RIMS2: variants seen among roughly 807,000 people sequenced by gnomAD.
RIMS2 encodes regulating synaptic membrane exocytosis protein 2.
In RIMS2, 59 loss-of-function variants were observed where a neutral mutation model predicts 174.4. The ratio of observed to expected loss-of-function variants is 0.34; its 90% CI spans 0.27 to 0.42. The LOEUF (loss-of-function observed/expected upper bound fraction) is 0.42. Ranked by LOEUF, RIMS2 falls within the 10% of genes least tolerant of loss-of-function variation. RIMS2 has a pLI of 1.00. For synonymous variants in RIMS2, 606 were observed against 572.5 expected, an observed-to-expected ratio of 1.06 and a Z score of -0.84; for missense variants, 1,620 against 1,666.3, an observed-to-expected ratio of 0.97 and a Z score of 0.48.
At chr8:103,866,576 AT>A (rs1377403341) in intron 3 of RIMS2, among the ~76,000 whole-genome samples, 1 of 152,060 alleles carries the variant, frequency 6.6e-6, no homozygotes, top group Non-Finnish European at 1.5e-5. Flanking sequence ...AGAGACTCCA[AT>A]TTTGCTACAT....
intron 1 of RIMS2, among the ~76,000 whole-genome samples, chr8:103,635,849 A>G (rs535659124): frequency 3.1e-4 from 47 of 151,736 alleles, no homozygotes; most frequent in African/African-American, 1.1e-3. Flanking sequence ...ATGGCAGCCT[A>G]CCCCTTCCTC....
chr8:103,767,221 C>T (rs2098184449), intron 3 of RIMS2, among the ~76,000 whole-genome samples: 1 of 148,358 alleles, frequency 6.7e-6, no homozygotes, highest in South Asian at 2.1e-4. Flanking sequence ...TGGAGTCTCG[C>T]TCTGTCATCA....
intron 19 of RIMS2, among the ~76,000 whole-genome samples, chr8:104,061,337 GTC>G (rs1462719433): frequency 6.6e-6 from 1 of 151,946 alleles, no homozygotes; most frequent in African/African-American, 2.4e-5. Flanking sequence ...GGCTTTCTTT[GTC>G]TCTTTTGATC....
At chr8:104,007,191 A>G (rs1313058098) in intron 17 of RIMS2, among the ~76,000 whole-genome samples, 9 of 152,096 alleles carry the variant, frequency 5.9e-5, no homozygotes. Context: ...TGTTCTCTAT[A>G]TTTTATATTA....
intron 1 of RIMS2, among the ~76,000 whole-genome samples, chr8:103,532,636 G>C (rs1488882333): frequency 5.9e-5 from 9 of 152,218 alleles, no homozygotes; most frequent in African/African-American, 2.2e-4. Context: ...TACACTGGCA[G>C]AATTGAGTTG....
intron 12 of RIMS2, 149 bp from the exon 15 acceptor site, chr8:103,936,400 AAT>A (rs1235372257): frequency 1.5e-5 from 7 of 468,012 alleles, no homozygotes; most frequent in African/African-American, 1.2e-4. Flanking sequence ...AAATTTTCAT[AAT>A]AATTTTAAAG....
At chr8:104,074,570 G>T (rs746576807) in intron 19 of RIMS2, among the ~76,000 whole-genome samples, 3 of 152,122 alleles carry the variant, frequency 2.0e-5, no homozygotes, top group Non-Finnish European at 4.4e-5. Context: ...TTTTAGTGTG[G>T]CTCAGATATC....
At chr8:103,610,794 T>G (rs1456832690) in intron 1 of RIMS2, among the ~76,000 whole-genome samples, 1 of 152,194 alleles carries the variant, frequency 6.6e-6, no homozygotes, top group East Asian at 1.9e-4. Flanking sequence ...AATTTTCTTT[T>G]GTCATGTGTC....
intron 3 of RIMS2, among the ~76,000 whole-genome samples, chr8:103,809,874 C>G (rs559435591): frequency 3.2e-4 from 49 of 152,092 alleles, no homozygotes; most frequent in Non-Finnish European, 4.7e-4. Flanking sequence ...CTGCTAAACA[C>G]AGGTAGGGTA....
intron 1 of RIMS2, among the ~76,000 whole-genome samples, chr8:103,615,845 A>G (rs1165899378): frequency 1.3e-5 from 2 of 152,178 alleles, no homozygotes; most frequent in African/African-American, 4.8e-5. Context: ...CCCCAAACAG[A>G]CCAATAATGA....
intron 3 of RIMS2, chr8:103,819,129 GC>G (rs1363427658): frequency 1.2e-6 from 1 of 833,716 alleles, no homozygotes; most frequent in African/African-American, 1.9e-5. Context: ...AGCCAGATGT[GC>G]TAAAACTCCT....
chr8:104,152,873 G>C (rs1240247407), intron 19 of RIMS2, among the ~76,000 whole-genome samples: 1 of 152,052 alleles, frequency 6.6e-6, no homozygotes, highest in African/African-American at 2.4e-5. Flanking sequence ...ATCATGTGAT[G>C]AATGATGTAT....
Position 104,093,456 on chromosome 8 carries a change from A to C in RIMS2, c.3334+78841A>C. The C allele has an allele frequency of 1.3e-6, 2 of 1,568,368 alleles. No homozygotes were observed. Among genetic ancestry groups the C allele is most frequent in the Admixed American group, 3.5e-5 (2 of 56,986 alleles). Reference sequence around the variant, plus strand: ...TACTGACAACTTCTGCGTATTTGTCAATCTGTGTTAACAGTATCGATCAGG... The same window carrying C: ...TACTGACAACTTCTGCGTATTTGTCCATCTGTGTTAACAGTATCGATCAGG... On this transcript the variant is annotated intron_variant, in intron 19 of 23. Transcript: ENST00000504942.
chr8:103,933,288 GACACACACACAC>G (rs55909886), intron 12 of RIMS2, among the ~76,000 whole-genome samples: 211 of 119,766 alleles, frequency 1.8e-3, no homozygotes, highest in Middle Eastern at 8.3e-3. Flanking sequence ...TCGAGACTCT[GACACACACACAC>G]ACACACACAC....
chr8:103,571,516 ATTGT>A lies in RIMS2; in HGVS notation c.176+70458_176+70461del, dbSNP rs139352807. 5.7e-3 allele frequency among the ~76,000 whole-genome samples: 862 copies of A among 152,212 alleles called. 39 individuals carry two copies. The East Asian group carries it at 0.11, about 20-fold the overall frequency. On this transcript the variant is annotated intron_variant, in intron 1 of 23. Transcript: ENST00000504942. ...TGTGACAGCAAATAATGAAAACCTA[ATTGT>A]TTGACACACAGATTTCTTATATATG...
At chr8:103,694,229 G>A (rs879865977) in intron 1 of RIMS2, among the ~76,000 whole-genome samples, 1 of 152,130 alleles carries the variant, frequency 6.6e-6, no homozygotes, top group Non-Finnish European at 1.5e-5. Context: ...CTTAGACCAG[G>A]ATGCTAACAT....
At chr8:103,963,074 C>G (rs189579239) in intron 15 of RIMS2, among the ~76,000 whole-genome samples, 53 of 151,922 alleles carry the variant, frequency 3.5e-4, no homozygotes, top group Non-Finnish European at 7.1e-4. Context: ...AAATATTTTC[C>G]TTACATTTCC....
intron 1 of RIMS2, among the ~76,000 whole-genome samples, chr8:103,649,658 T>G (rs1351859945): frequency 6.6e-6 from 1 of 151,728 alleles, no homozygotes; most frequent in African/African-American, 2.4e-5. Flanking sequence ...CTTTTTTTTT[T>G]TTCTTTCTGT....
chr8:104,092,543 T>C (rs981249611), intron 19 of RIMS2, among the ~76,000 whole-genome samples: 1 of 151,898 alleles, frequency 6.6e-6, no homozygotes, highest in Non-Finnish European at 1.5e-5. Context: ...TTACTTACAT[T>C]ATGCCAGATA....
Sources: gnomAD v4.1 joint callset for allele counts (sites outside exome capture counted in the v4.1 genomes callset) on GRCh38, gnomAD v4.1.1 for gene constraint, MANE v1.5 for transcripts, NCBI Gene and HGNC (gene_info 2026-07-23, HGNC 2026-07-21) for gene names.